MKX: variants seen among roughly 807,000 people sequenced by gnomAD.
MKX encodes the protein homeobox protein Mohawk.
Under a neutral mutation model 36.0 loss-of-function variants are expected in MKX, and 13 were observed. The observed-to-expected ratio is 0.36, with a 90% CI of 0.24 to 0.57. The LOEUF is 0.57. MKX is among the 20% of genes least tolerant of loss of function. The probability of loss-of-function intolerance (pLI) is 0.79; values close to 1 mark genes in which losing one functional copy is unlikely to be tolerated. For synonymous variants in MKX, 176 were observed against 178.3 expected, an observed-to-expected ratio of 0.99 and a Z score of 0.10; for missense variants, 458 against 456.4, an observed-to-expected ratio of 1.00 and a Z score of -0.03.
intron 5 of MKX, among the ~76,000 whole-genome samples, chr10:27,694,939 G>A (rs970663108): frequency 6.7e-6 from 1 of 148,750 alleles, no homozygotes; most frequent in African/African-American, 2.5e-5. Context: ...CCTTGCAAGA[G>A]TCCCAAGCTC....
intron 5 of MKX, among the ~76,000 whole-genome samples, chr10:27,695,506 A>G (rs1836538829): frequency 6.6e-6 from 1 of 152,170 alleles, no homozygotes; most frequent in Non-Finnish European, 1.5e-5. Context: ...TTTTCAGCTT[A>G]ATTTAGGAGG....
intron 5 of MKX, among the ~76,000 whole-genome samples, chr10:27,681,176 G>C (rs888085603): frequency 6.6e-6 from 1 of 152,212 alleles, no homozygotes; most frequent in Non-Finnish European, 1.5e-5. Flanking sequence ...GCTGGGGGTG[G>C]TGGCTCACGC....
intron 5 of MKX, among the ~76,000 whole-genome samples, chr10:27,703,330 G>C (rs749559458): frequency 6.6e-6 from 1 of 152,114 alleles, no homozygotes; most frequent in Non-Finnish European, 1.5e-5. Flanking sequence ...GTAAATCAGA[G>C]AAATTAAATG....
intron 5 of MKX, among the ~76,000 whole-genome samples, chr10:27,701,567 T>G (rs1836655742): frequency 6.9e-6 from 1 of 145,500 alleles, no homozygotes; most frequent in Non-Finnish European, 1.5e-5. Flanking sequence ...AAATAATGTA[T>G]AAATGTATAT....
intron 5 of MKX, among the ~76,000 whole-genome samples, chr10:27,696,531 T>C (rs1468893735): frequency 1.3e-5 from 2 of 152,208 alleles, no homozygotes; most frequent in African/African-American, 4.8e-5. Flanking sequence ...GATTGATGCT[T>C]GAGTGTGGAA....
At chr10:27,725,685 A>G (rs1489614251) in intron 5 of MKX, among the ~76,000 whole-genome samples, 1 of 151,816 alleles carries the variant, frequency 6.6e-6, no homozygotes, top group Non-Finnish European at 1.5e-5. Context: ...AAAAAAAAAA[A>G]GAAGGGAGAA....
At chr10:27,689,431 G>C (rs2815561) in intron 5 of MKX, among the ~76,000 whole-genome samples, 117,013 of 152,128 alleles carry the variant, frequency 0.77, 45,257 homozygotes, top group Admixed American at 0.83. Flanking sequence ...GGTGTTCTGG[G>C]TTCACACATT....
At chr10:27,716,473 C>T (rs1340101917) in intron 5 of MKX, among the ~76,000 whole-genome samples, 3 of 147,646 alleles carry the variant, frequency 2.0e-5, no homozygotes, top group Non-Finnish European at 4.5e-5. Context: ...TTGCCTGATG[C>T]TGGCCTGCAT....
chr10:27,745,489 C>G (rs928785655), intron 1 of MKX: 1 of 152,632 alleles, frequency 6.6e-6, no homozygotes, highest in African/African-American at 2.4e-5. Flanking sequence ...CCAACGCCGG[C>G]GAATAATTTT....
intron 5 of MKX, among the ~76,000 whole-genome samples, chr10:27,711,018 T>C (rs1422810041): frequency 1.3e-5 from 2 of 152,218 alleles, no homozygotes; most frequent in African/African-American, 2.4e-5. Context: ...ATTATTGGAC[T>C]GGCAAGAGTT....
intron 5 of MKX, among the ~76,000 whole-genome samples, chr10:27,723,339 C>T (rs1467206414): frequency 6.6e-6 from 1 of 152,142 alleles, no homozygotes. Context: ...AGACCAGTTG[C>T]ACTAGTGACA....
chr10:27,730,482 C>T (rs915793535), intron 5 of MKX, among the ~76,000 whole-genome samples: 1 of 145,730 alleles, frequency 6.9e-6, no homozygotes, highest in African/African-American at 2.6e-5. Context: ...TTTTGAGACA[C>T]AATTTCACTC....
intron 5 of MKX, among the ~76,000 whole-genome samples, chr10:27,726,386 G>T (rs1206745514): frequency 1.3e-5 from 2 of 152,118 alleles, no homozygotes; most frequent in Non-Finnish European, 2.9e-5. Flanking sequence ...GTGGCATGCC[G>T]CAGGGTTTAA....
chr10:27,735,071 T>C, intron 4 of MKX, 150 bp downstream of exon 4: 1 of 636,458 alleles, frequency 1.6e-6, no homozygotes, highest in Non-Finnish European at 2.4e-6. Context: ...TGGTCATTTA[T>C]AGTATTATAA....
At chr10:27,712,984 G>A (rs568466382) in intron 5 of MKX, among the ~76,000 whole-genome samples, 19 of 152,238 alleles carry the variant, frequency 1.2e-4, no homozygotes, top group Non-Finnish European at 2.2e-4. Context: ...TGTGATGGAA[G>A]GTCCTCCTTC....
At chr10:27,737,346 G>A (rs561715383) in intron 3 of MKX, among the ~76,000 whole-genome samples, 2 of 152,218 alleles carry the variant, frequency 1.3e-5, no homozygotes, top group South Asian at 4.1e-4. Context: ...AAGAATTGAT[G>A]CACCATTTTG....
At chr10:27,701,618 T>C (rs1836657092) in intron 5 of MKX, among the ~76,000 whole-genome samples, 1 of 145,346 alleles carries the variant, frequency 6.9e-6, no homozygotes, top group Non-Finnish European at 1.5e-5. Flanking sequence ...AAATAATTAA[T>C]ATTAAAATAA....
chr10:27,678,579 CAGACA>C (rs142997623), intron 5 of MKX, among the ~76,000 whole-genome samples: 7,814 of 152,204 alleles, frequency 0.051, 640 homozygotes, highest in African/African-American at 0.18. Context: ...GGTTACTGCA[CAGACA>C]AGAAGAAAGC....
intron 3 of MKX, among the ~76,000 whole-genome samples, chr10:27,737,406 T>A (rs1274019514): frequency 6.6e-6 from 1 of 152,146 alleles, no homozygotes; most frequent in African/African-American, 2.4e-5. Flanking sequence ...TGTTATCCCA[T>A]AATCACCATA....
Sources: gnomAD v4.1 joint callset for allele counts (sites outside exome capture counted in the v4.1 genomes callset) on GRCh38, gnomAD v4.1.1 for gene constraint, MANE v1.5 for transcripts, NCBI Gene and HGNC (gene_info 2026-07-23, HGNC 2026-07-21) for gene names.